MUC7: variants seen among roughly 807,000 people sequenced by gnomAD.
MUC7 encodes the protein mucin-7.
Under a neutral mutation model 2.5 loss-of-function variants are expected in MUC7, and 2 were observed. The ratio of observed to expected loss-of-function variants is 0.81; its 90% CI spans 0.33 to 2.55. The LOEUF (loss-of-function observed/expected upper bound fraction) is 2.55. MUC7 is among the 30% of genes most tolerant of loss of function. The pLI is 0.11. For missense variants in MUC7, 408 were observed against 455.6 expected, an observed-to-expected ratio of 0.90 and a Z score of 0.95; for synonymous variants, 133 against 173.4, an observed-to-expected ratio of 0.77 and a Z score of 1.83.
rs41443048 is a variant in MUC7 at position 70,481,780 on chromosome 4, C to A, written c.1036C>A (p.Gln346Lys). Residue 346 changes from glutamine (Q) to lysine (K), a missense_variant, in exon 3 of 3, where the codon CAA becomes AAA. Gln to Lys is a moderately conservative substitution (Grantham distance 53, BLOSUM62 1). Coordinates refer to ENST00000304887, the MANE Select transcript of MUC7 (RefSeq NM_152291.3). ...CACTACTCAAACTACTACTACTAAA[C>A]AACCAACTTCAGCTCCTGGCCAAAA... ...SVTTQTTTTK[Q>K]PTSAPGQNKI... 132 of 1,614,194 alleles carry A rather than the reference C, an allele frequency of 8.2e-5. No individual in the cohort carries two copies. In the African/African-American group the frequency reaches 1.5e-3, roughly 19 times the overall value.
chr4:70,453,477 C>A (rs1370454778), intron 1 of MUC7, among the ~76,000 whole-genome samples: 1 of 152,168 alleles, frequency 6.6e-6, no homozygotes, highest in Non-Finnish European at 1.5e-5. Context: ...CTTCAGTCAG[C>A]TTGTGCTGAA....
chr4:70,439,401 A>G (rs960550853), intron 1 of MUC7, among the ~76,000 whole-genome samples: 1 of 152,018 alleles, frequency 6.6e-6, no homozygotes, highest in Non-Finnish European at 1.5e-5. Context: ...AAGTTTAAGC[A>G]GGGGATTTGG....
chr4:70,471,579 G>A (rs1734836033), upstream of MUC7, among the ~76,000 whole-genome samples: 1 of 152,036 alleles, frequency 6.6e-6, no homozygotes, highest in Admixed American at 6.6e-5. Context: ...AAGATATATA[G>A]CAAAATGTTA....
chr4:70,448,431 T>A (rs1041800122), intron 1 of MUC7, among the ~76,000 whole-genome samples: 1 of 152,142 alleles, frequency 6.6e-6, no homozygotes, highest in Non-Finnish European at 1.5e-5. Context: ...TTGCCATCAT[T>A]TGTTATTGCC....
intron 1 of MUC7, among the ~76,000 whole-genome samples, chr4:70,466,091 T>TG (rs1734676757): frequency 2.0e-5 from 3 of 152,292 alleles, no homozygotes; most frequent in South Asian, 4.1e-4. Context: ...CAGAATATAG[T>TG]GGGGGCCAAT....
intron 1 of MUC7, among the ~76,000 whole-genome samples, chr4:70,444,241 A>G (rs1321928946): frequency 2.0e-5 from 3 of 152,172 alleles, no homozygotes; most frequent in African/African-American, 7.2e-5. Context: ...GAAATATGAC[A>G]TTTGATGCTT....
chr4:70,477,433 T>G (rs1255228409), intron 2 of MUC7, among the ~76,000 whole-genome samples: 1 of 151,994 alleles, frequency 6.6e-6, no homozygotes, highest in Non-Finnish European at 1.5e-5. Context: ...AAAAATGTAA[T>G]CTTGGCCTTT....
intron 1 of MUC7, among the ~76,000 whole-genome samples, chr4:70,441,814 C>T (rs1366352617): frequency 1.3e-5 from 2 of 152,104 alleles, no homozygotes; most frequent in Non-Finnish European, 1.5e-5. Context: ...ACAATTTGTC[C>T]TTTAGGCCTA....
chr4:70,432,405 C>A (rs1022288709), intron 1 of MUC7, among the ~76,000 whole-genome samples: 1 of 152,126 alleles, frequency 6.6e-6, no homozygotes, highest in African/African-American at 2.4e-5. Context: ...CTCTCCAGCA[C>A]CTGTTGTTTC....
Position 70,478,330 on chromosome 4 carries a change from T to C in MUC7, c.55-2469T>C, listed in dbSNP as rs1274543128. ...ATTCAATTAATAGCTAATGAGTACC[T>C]GCCATATGCCAGGCATAGTTTTAGG... On this transcript the variant is annotated intron_variant, in intron 2 of 2. Coordinates refer to ENST00000304887, the MANE Select transcript of MUC7 (RefSeq NM_152291.3). 4.6e-5 allele frequency among the ~76,000 whole-genome samples: 7 copies of C among 152,312 alleles called. No individual in the cohort carries two copies. The East Asian group carries it at 1.3e-3, about 29-fold the overall frequency.
chr4:70,434,354 C>CT (rs545800579), intron 1 of MUC7, among the ~76,000 whole-genome samples: 2 of 152,038 alleles, frequency 1.3e-5, no homozygotes, highest in Non-Finnish European at 2.9e-5. Flanking sequence ...TGGTCCTGGA[C>CT]TTTTTTTGTT....
intron 1 of MUC7, among the ~76,000 whole-genome samples, chr4:70,432,997 C>T (rs1184164838): frequency 6.6e-6 from 1 of 152,160 alleles, no homozygotes; most frequent in Non-Finnish European, 1.5e-5. Context: ...ATCCTTTCCC[C>T]ATTGCTTGCT....
upstream of MUC7, among the ~76,000 whole-genome samples, chr4:70,468,632 A>T (rs1166998334): frequency 6.6e-6 from 1 of 152,154 alleles, no homozygotes; most frequent in Non-Finnish European, 1.5e-5. Context: ...AAACAGCCAA[A>T]TCATGAGAGA....
chr4:70,439,900 T>C lies in MUC7; in HGVS notation c.-93+9213T>C, dbSNP rs1733959058. ...TAGAAATTTTTGAAAAGTTTTAATG[T>C]GATGTTTAATAGAGTTTATCTTCAC... On this transcript the variant is annotated intron_variant, in intron 1 of 3. Coordinates refer to the MUC7 transcript ENST00000413702. Among the ~76,000 whole-genome samples, 4 of 152,108 alleles carry C rather than the reference T, an allele frequency of 2.6e-5. No homozygotes were observed. The South Asian group carries it at 8.3e-4, about 32-fold the overall frequency.
chr4:70,463,406 C>T lies in MUC7; in HGVS notation c.-92-8809C>T, dbSNP rs530573882. On this transcript the variant is annotated intron_variant, in intron 1 of 3. Coordinates refer to the MUC7 transcript ENST00000413702. ...ATTCTTTTTAAATCTACTTTTCAATCGATTAACCATGCTCTAGTTGTGGCT... is the reference window on the plus strand; with the variant it reads ...ATTCTTTTTAAATCTACTTTTCAATTGATTAACCATGCTCTAGTTGTGGCT... Among the ~76,000 whole-genome samples the T allele has an allele frequency of 5.3e-5, 8 of 152,300 alleles. No individual in the cohort carries two copies. The East Asian group carries it at 5.8e-4, about 11-fold the overall frequency.
chr4:70,440,023 G>A (rs1251069696), intron 1 of MUC7, among the ~76,000 whole-genome samples: 2 of 151,840 alleles, frequency 1.3e-5, no homozygotes, highest in African/African-American at 4.8e-5. Context: ...TCATTTCTTA[G>A]TCCTAACATA....
Position 70,482,544 on chromosome 4 carries a change from G to C in MUC7, c.*666G>C, listed in dbSNP as rs1735231192. The C allele has an allele frequency of 6.6e-6, 1 of 152,290 alleles. No individual in the cohort carries two copies. Among genetic ancestry groups the C allele is most frequent in the Non-Finnish European group, 1.5e-5 (1 of 68,096 alleles). 9.4% of individuals were successfully genotyped at this position (152,290 alleles called of 1,614,324 possible). On this transcript the variant is annotated 3_prime_UTR_variant, in exon 3 of 3. Transcript: ENST00000304887. ...CAAGACTGGCACTATTTTTCTTAGT[G>C]TATATAATTGTTTAAACTGCAAGGT...
chr4:70,431,205 A>T (rs1201951048), intron 1 of MUC7, among the ~76,000 whole-genome samples: 2 of 152,166 alleles, frequency 1.3e-5, no homozygotes, highest in African/African-American at 4.8e-5. Flanking sequence ...GAAACCAAGA[A>T]CATATGAGAA....
chr4:70,443,256 C>T (rs955045530), intron 1 of MUC7, among the ~76,000 whole-genome samples: 1 of 150,178 alleles, frequency 6.7e-6, no homozygotes, highest in African/African-American at 2.5e-5. Context: ...AGATCTCAGA[C>T]AAAAAGATCT....
Sources: gnomAD v4.1 joint callset for allele counts (sites outside exome capture counted in the v4.1 genomes callset) on GRCh38, gnomAD v4.1.1 for gene constraint, MANE v1.5 for transcripts, NCBI Gene and HGNC (gene_info 2026-07-23, HGNC 2026-07-21) for gene names.